The following RAB2A variants were observed in gnomAD, a reference collection of about 807,000 sequenced individuals.
RAB2A encodes RAB2A, member RAS oncogene family.
RAB2A carries 7 observed loss-of-function variants against 32.5 expected under a neutral mutation model. The ratio of observed to expected loss-of-function variants is 0.22; its 90% CI spans 0.12 to 0.40. The LOEUF (loss-of-function observed/expected upper bound fraction) is 0.40, where lower values mean the gene tolerates loss of function less well. Ranked by LOEUF, RAB2A falls within the 10% of genes least tolerant of loss-of-function variation. The pLI is 1.00. For missense variants in RAB2A, 108 were observed against 260.7 expected (o/e 0.41, Z 4.03); for synonymous variants, 79 against 85.2 (o/e 0.93, Z 0.40).
chr8:60,585,788 A>G (rs983795922), intron 5 of RAB2A, among the ~76,000 whole-genome samples: 3 of 152,218 alleles, frequency 2.0e-5, no homozygotes, highest in Non-Finnish European at 2.9e-5. Flanking sequence ...TCAAATTACT[A>G]TACATTGATA....
intron 1 of RAB2A, among the ~76,000 whole-genome samples, chr8:60,536,542 G>A (rs190114064): frequency 2.0e-5 from 3 of 152,128 alleles, no homozygotes; most frequent in African/African-American, 7.2e-5. Flanking sequence ...GTTATGAAAG[G>A]ATTAGTAAAA....
chr8:60,565,415 C>T (rs1023843145), intron 2 of RAB2A, among the ~76,000 whole-genome samples: 3 of 68,802 alleles, frequency 4.4e-5, no homozygotes, highest in African/African-American at 2.9e-4. Context: ...CAAGACCTGC[C>T]TCAAAAAAAA....
At chr8:60,603,685 T>G (rs186077375) in intron 6 of RAB2A, among the ~76,000 whole-genome samples, 89 of 152,306 alleles carry the variant, frequency 5.8e-4, no homozygotes, top group African/African-American at 2.1e-3. Context: ...ATGAATCCCC[T>G]TTATTCACTT....
chr8:60,614,920 T>C (rs1010665023), intron 6 of RAB2A, among the ~76,000 whole-genome samples: 3 of 152,282 alleles, frequency 2.0e-5, no homozygotes, highest in African/African-American at 7.2e-5. Flanking sequence ...ACCGGCCACA[T>C]GGGGAAGCAG....
intron 6 of RAB2A, among the ~76,000 whole-genome samples, chr8:60,597,686 AAGG>A (rs1356380223): frequency 6.6e-6 from 1 of 152,182 alleles, no homozygotes; most frequent in African/African-American, 2.4e-5. Flanking sequence ...AATAAATAGA[AAGG>A]AGGGAATATT....
chr8:60,601,994 T>TAA (rs913041802), intron 6 of RAB2A, among the ~76,000 whole-genome samples: 2 of 152,062 alleles, frequency 1.3e-5, no homozygotes, highest in African/African-American at 4.8e-5. Flanking sequence ...TCCTCCTGCT[T>TAA]AAGCCTCCCA....
intron 1 of RAB2A, 60 bp downstream of exon 1, chr8:60,517,313 C>T (rs1807221314): frequency 1.4e-6 from 2 of 1,401,594 alleles, no homozygotes; most frequent in Non-Finnish European, 1.9e-6. Context: ...GGCTGAGGGG[C>T]AAACGGCGTC....
intron 6 of RAB2A, among the ~76,000 whole-genome samples, chr8:60,601,294 C>A (rs1006177187): frequency 1.3e-4 from 19 of 148,804 alleles, no homozygotes; most frequent in Admixed American, 3.3e-4. Flanking sequence ...ATATGCCTAG[C>A]AAATAATAAT....
At chr8:60,561,918 C>CT (rs1208702633) in intron 2 of RAB2A, among the ~76,000 whole-genome samples, 3 of 152,196 alleles carry the variant, frequency 2.0e-5, no homozygotes, top group African/African-American at 7.2e-5. Context: ...GTTCTCTACT[C>CT]TGTTTATAAA....
intron 2 of RAB2A, among the ~76,000 whole-genome samples, chr8:60,560,754 T>TG (rs988650881): frequency 9.2e-5 from 14 of 151,904 alleles, no homozygotes; most frequent in East Asian, 5.8e-4. Flanking sequence ...TTTTGTTTTT[T>TG]TTTTTTAGCT....
In RAB2A at chr8:60,557,592, TGAGA is replaced by T. The variant is rs1244105945; in HGVS notation, c.47-1256_47-1253del. Among the ~76,000 whole-genome samples the T allele has an allele frequency of 8.5e-5, 13 of 152,348 alleles. No homozygotes were observed. In the East Asian group the frequency reaches 2.3e-3, roughly 27 times the overall value. ...AATTAAGTATCATTTGTTTGTTTTT[TGAGA>T]GAGTCTCATTCTGTTACCTACCCTG... On this transcript the variant is annotated intron_variant, in intron 1 of 7. Coordinates refer to ENST00000262646, the MANE Select transcript of RAB2A (RefSeq NM_002865.3).
At chr8:60,525,032 C>A (rs747631911) in intron 1 of RAB2A, among the ~76,000 whole-genome samples, 1 of 152,294 alleles carries the variant, frequency 6.6e-6, no homozygotes, top group Non-Finnish European at 1.5e-5. Flanking sequence ...GTTAATTCTT[C>A]AACAGATACA....
At chr8:60,543,084 A>G (rs1403074060) in intron 1 of RAB2A, among the ~76,000 whole-genome samples, 1 of 152,254 alleles carries the variant, frequency 6.6e-6, no homozygotes, top group Non-Finnish European at 1.5e-5. Flanking sequence ...AGGAATTATT[A>G]TAGACAGAAT....
At chr8:60,612,425 T>C (rs73243810) in intron 6 of RAB2A, among the ~76,000 whole-genome samples, 12,447 of 152,204 alleles carry the variant, frequency 0.082, 1,544 homozygotes, top group African/African-American at 0.27. Flanking sequence ...AAGATGTAAA[T>C]AATACAAATT....
At chr8:60,577,450 A>G (rs1188257794) in intron 3 of RAB2A, among the ~76,000 whole-genome samples, 1 of 152,154 alleles carries the variant, frequency 6.6e-6, no homozygotes, top group African/African-American at 2.4e-5. Flanking sequence ...TCAGGATCCC[A>G]CAACTAACTA....
At chr8:60,535,833 A>G (rs1281610788) in intron 1 of RAB2A, among the ~76,000 whole-genome samples, 3 of 152,096 alleles carry the variant, frequency 2.0e-5, no homozygotes, top group Non-Finnish European at 4.4e-5. Flanking sequence ...TTGTCTCTTG[A>G]TGGTCCTTGA....
chr8:60,577,878 G>A (rs1586093596), intron 3 of RAB2A, among the ~76,000 whole-genome samples: 1 of 142,918 alleles, frequency 7.0e-6, no homozygotes, highest in East Asian at 2.1e-4. Flanking sequence ...TCCTGACCTC[G>A]TGATCCACCC....
intron 6 of RAB2A, among the ~76,000 whole-genome samples, chr8:60,594,485 T>G (rs1051446829): frequency 6.6e-6 from 1 of 152,166 alleles, no homozygotes; most frequent in Non-Finnish European, 1.5e-5. Context: ...TTTGTTTGTT[T>G]GTTTGTTTTT....
intron 3 of RAB2A, among the ~76,000 whole-genome samples, chr8:60,582,434 T>C (rs1379711279): frequency 1.3e-5 from 2 of 152,216 alleles, no homozygotes; most frequent in Non-Finnish European, 2.9e-5. Context: ...GATTTACAGA[T>C]GTCCACTCAG....
Sources: gnomAD v4.1 joint callset for allele counts (sites outside exome capture counted in the v4.1 genomes callset) on GRCh38, gnomAD v4.1.1 for gene constraint, MANE v1.5 for transcripts, NCBI Gene and HGNC (gene_info 2026-07-23, HGNC 2026-07-21) for gene names.